Variants in NCOA6 observed in about 807,000 individuals in gnomAD.
NCOA6 encodes nuclear receptor coactivator 6.
In NCOA6, 49 loss-of-function variants were observed where a neutral mutation model predicts 171.4. That is an observed-to-expected ratio of 0.29 (90% confidence interval 0.23 to 0.36). The LOEUF (loss-of-function observed/expected upper bound fraction) is 0.36, where lower values mean the gene tolerates loss of function less well. NCOA6 is among the 10% of genes least tolerant of loss of function. The pLI is 1.00. For synonymous variants in NCOA6, 910 were observed against 927.5 expected, an observed-to-expected ratio of 0.98 and a Z score of 0.34; for missense variants, 2,248 against 2,554.5, an observed-to-expected ratio of 0.88 and a Z score of 2.59.
rs1030748618 is a variant in NCOA6, at chr20:34,715,282, T to C, written c.*40A>G. The C allele has an allele frequency of 6.2e-7, 1 of 1,613,510 alleles. No individual in the cohort carries two copies. Among genetic ancestry groups the C allele is most frequent in the Non-Finnish European group, 8.5e-7 (1 of 1,179,544 alleles). ...AGCTCAAAATTGCTCTTTGTAAAAG[T>C]CACACACATTTCCAAGTATCAAGTC... On this transcript the variant is annotated 3_prime_UTR_variant, in exon 15 of 15. Transcript: ENST00000359003.
At chr20:34,760,148 G>C (rs1358323725) in intron 5 of NCOA6, among the ~76,000 whole-genome samples, 1 of 152,156 alleles carries the variant, frequency 6.6e-6, no homozygotes, top group East Asian at 1.9e-4. Context: ...GTGGTGGCAA[G>C]CGCCTGGATT....
intron 14 of NCOA6, among the ~76,000 whole-genome samples, chr20:34,721,263 A>AC (rs1178710354): frequency 7.6e-6 from 1 of 130,960 alleles, no homozygotes; most frequent in East Asian, 2.3e-4. Context: ...AAAAAAAAAA[A>AC]AAAACAACCC....
chr20:34,719,585 C>T (rs191157830), intron 14 of NCOA6, among the ~76,000 whole-genome samples: 35 of 151,340 alleles, frequency 2.3e-4, no homozygotes, highest in Admixed American at 4.0e-4. Flanking sequence ...GAGTTCAGAT[C>T]GCACCACTGC....
chr20:34,779,224 T>G (rs1035825752), intron 3 of NCOA6, among the ~76,000 whole-genome samples: 4 of 152,106 alleles, frequency 2.6e-5, no homozygotes, highest in Admixed American at 2.6e-4. Context: ...ATAAAAAAGT[T>G]ATTTGGCTGC....
Position 34,720,629 on chromosome 20 carries a change from A to G in NCOA6, c.6149-5264T>C, listed in dbSNP as rs576887002. Among the ~76,000 whole-genome samples, 4 of 152,348 alleles carry G rather than the reference A, an allele frequency of 2.6e-5. No homozygotes were observed. In the South Asian group the frequency reaches 8.3e-4, roughly 32 times the overall value. On this transcript the variant is annotated intron_variant, in intron 14 of 14. Transcript: ENST00000359003. The stretch of plus-strand genomic sequence containing the variant: ...ACAGAATGTCTCTGATTTTGTTTGC[A>G]TATGATATATATGACCAAACTCTTA...
rs150190505 is a variant in NCOA6, at chr20:34,741,726, A to G, written c.4530T>C (p.Leu1510=). Residue 1510 remains leucine (L), a synonymous_variant, in exon 11 of 15, where the codon CTT becomes CTC. Transcript: ENST00000359003. ...CTGGAGGTGTTACTTCCAGATCTGTAAGCCCAGGGGGTTTAATTGTCACAT... is the reference window on the plus strand; with the variant it reads ...CTGGAGGTGTTACTTCCAGATCTGTGAGCCCAGGGGGTTTAATTGTCACAT... The part of the protein sequence containing the change: ...APNVTIKPPG[L]TDLEVTPPVV... The G allele has an allele frequency of 5.6e-6, 9 of 1,614,058 alleles. No homozygotes were observed. In the African/African-American group the frequency reaches 1.2e-4, roughly 22 times the overall value.
intron 11 of NCOA6, chr20:34,739,007 T>C (rs933799313): frequency 2.7e-5 from 12 of 445,670 alleles, no homozygotes; most frequent in Non-Finnish European, 4.1e-5. Context: ...TAGCAGTGTG[T>C]GACTGACTCC....
At chr20:34,737,409 A>G (rs1007176739) in intron 11 of NCOA6, among the ~76,000 whole-genome samples, 1 of 152,270 alleles carries the variant, frequency 6.6e-6, no homozygotes, top group Admixed American at 6.5e-5. Flanking sequence ...AACTCAGTCT[A>G]GTATTAAAGA....
intron 14 of NCOA6, among the ~76,000 whole-genome samples, chr20:34,716,951 C>T (rs1372546839): frequency 6.6e-6 from 1 of 152,088 alleles, no homozygotes; most frequent in Non-Finnish European, 1.5e-5. Context: ...AAAAAAAATG[C>T]TTCTAATATA....
At position 34,810,650 on chromosome 20, in the gene NCOA6, G is replaced by T. The variant is rs2078625491; in HGVS notation, c.-164+14822C>A. Among the ~76,000 whole-genome samples the T allele has an allele frequency of 2.0e-5, 3 of 152,126 alleles. No individual in the cohort carries two copies. The South Asian group carries it at 6.2e-4, about 32-fold the overall frequency. ...GGCTCACTGCAAGCTCCGCCTCCCGGGTTCACGCCATTCTCCTGCCTCAGC... is the reference window on the plus strand; with the variant it reads ...GGCTCACTGCAAGCTCCGCCTCCCGTGTTCACGCCATTCTCCTGCCTCAGC... On this transcript the variant is annotated intron_variant, in intron 1 of 14. Transcript: ENST00000359003.
chr20:34,776,845 G>A (rs573622898), intron 3 of NCOA6: 1 of 446,038 alleles, frequency 2.2e-6, no homozygotes, highest in African/African-American at 2.0e-5. Context: ...TAAATTAATA[G>A]AATAGGCTCA....
chr20:34,812,973 A>G (rs1469253847), intron 1 of NCOA6, among the ~76,000 whole-genome samples: 7 of 152,168 alleles, frequency 4.6e-5, no homozygotes, highest in Non-Finnish European at 1.0e-4. Context: ...CAGCCTGGCC[A>G]ACATGGTGAA....
intron 12 of NCOA6, among the ~76,000 whole-genome samples, chr20:34,735,775 G>A (rs1011476740): frequency 2.6e-5 from 4 of 152,314 alleles, no homozygotes; most frequent in Non-Finnish European, 1.5e-5. Context: ...CACACAGGAT[G>A]TAGCATTCTG....
intron 14 of NCOA6, 103 bp from the exon 15 acceptor site, chr20:34,715,468 C>A: frequency 2.4e-6 from 2 of 826,466 alleles, no homozygotes; most frequent in South Asian, 2.9e-5. Context: ...GAGCCCTACT[C>A]AACTCAGAAT....
chr20:34,742,209 T>C lies in NCOA6; in HGVS notation c.4047A>G (p.Ser1349=). The C allele has an allele frequency of 6.2e-7, 1 of 1,614,224 alleles. No individual in the cohort carries two copies. Among genetic ancestry groups the C allele is most frequent in the Non-Finnish European group, 8.5e-7 (1 of 1,180,042 alleles). Residue 1349 remains serine (S), a synonymous_variant, in exon 11 of 15, where the codon TCA becomes TCG. Coordinates refer to ENST00000359003, the MANE Select transcript of NCOA6 (RefSeq NM_014071.5). ...KTTPSPGRQN[S]KAPKLTLASQ... ...AGGCCAGAGTAAGTTTAGGGGCTTT[T>C]GAATTTTGCCTCCCAGGGCTTGGAG...
At chr20:34,799,715 A>G (rs1568872375) in intron 1 of NCOA6, among the ~76,000 whole-genome samples, 1 of 152,110 alleles carries the variant, frequency 6.6e-6, no homozygotes, top group Admixed American at 6.6e-5. Context: ...GTGCGAAAGG[A>G]AAAAAAATTT....
At chr20:34,796,198 T>C (rs539067148) in intron 1 of NCOA6, among the ~76,000 whole-genome samples, 4 of 151,660 alleles carry the variant, frequency 2.6e-5, no homozygotes, top group African/African-American at 7.3e-5. Flanking sequence ...TTTGTAGAGA[T>C]AGGGTCTCCC....
At chr20:34,754,604 G>A in intron 8 of NCOA6, 118 bp downstream of exon 8, 1 of 1,202,818 alleles carries the variant, frequency 8.3e-7, no homozygotes, top group Non-Finnish European at 1.2e-6. Flanking sequence ...ATTATTTATG[G>A]GCTTGAAATT....
rs2076682224 is a variant in NCOA6 at position 34,757,649 on chromosome 20, G to C, written c.1099C>G (p.Gln367Glu). The C allele has an allele frequency of 6.2e-7, 1 of 1,614,060 alleles. No individual in the cohort carries two copies. The highest frequency in any genetic ancestry group is 8.5e-7 in the Non-Finnish European group (1 of 1,180,020). ...GGAGGGGGAGGGTGGGAAGGCGTCT[G>C]TACCGTGGCTAAGGATGGTCTTGCC... ...LQARPSLATV[Q>E]TPSHPPPPYP... Residue 367 changes from glutamine to glutamate, a missense_variant, in exon 7 of 15, where the codon CAG becomes GAG. By Grantham distance (29) the Gln-to-Glu change is conservative. Around this residue, in one of 7 missense-constraint regions of NCOA6, gnomAD observed 987 missense variants for 1,104.7 expected, o/e 0.89. Coordinates refer to ENST00000359003, the MANE Select transcript of NCOA6 (RefSeq NM_014071.5).
Sources: gnomAD v4.1 joint callset for allele counts (sites outside exome capture counted in the v4.1 genomes callset) on GRCh38, gnomAD v4.1.1 for gene constraint, gnomAD v4.1.1 regional missense constraint, MANE v1.5 for transcripts, NCBI Gene and HGNC (gene_info 2026-07-23, HGNC 2026-07-21) for gene names.